Variants in RPA1 observed in about 807,000 individuals in gnomAD.
RPA1 encodes the protein replication protein A 70 kDa DNA-binding subunit.
In RPA1, 49 loss-of-function variants were observed where a neutral mutation model predicts 83.0. The ratio of observed to expected loss-of-function variants is 0.59; its 90% CI spans 0.47 to 0.75. The LOEUF (loss-of-function observed/expected upper bound fraction) is 0.75, where lower values mean the gene tolerates loss of function less well. Ranked by LOEUF, RPA1 falls within the 30% of genes least tolerant of loss-of-function variation. The pLI, the probability that RPA1 is intolerant of heterozygous loss-of-function variation, is 0.00. For missense variants in RPA1, 693 were observed against 776.1 expected, an observed-to-expected ratio of 0.89 and a Z score of 1.27; for synonymous variants, 279 against 281.8, an observed-to-expected ratio of 0.99 and a Z score of 0.10.
In RPA1 at chr17:1,841,994, A is replaced by G. The variant is rs554506786; in HGVS notation, c.34-809A>G. Among the ~76,000 whole-genome samples, 4 of 152,134 alleles carry G rather than the reference A, an allele frequency of 2.6e-5. No individual in the cohort carries two copies. In the South Asian group the frequency reaches 6.2e-4, roughly 24 times the overall value. Reference sequence around the variant, plus strand: ...TCATGACATATTATCCATTTTATATAGTGCTGGATTTGATTTGCTATTATT... The same window carrying G: ...TCATGACATATTATCCATTTTATATGGTGCTGGATTTGATTTGCTATTATT... On this transcript the variant is annotated intron_variant, in intron 1 of 16. Transcript: ENST00000254719.
intron 12 of RPA1, among the ~76,000 whole-genome samples, chr17:1,883,482 G>T (rs1418204384): frequency 4.6e-5 from 7 of 152,178 alleles, no homozygotes; most frequent in Non-Finnish European, 7.4e-5. Flanking sequence ...TTTTTAATGG[G>T]CCTGGGCATG....
In RPA1 at chr17:1,893,369, G is replaced by A. The variant is rs1442951858; in HGVS notation, c.1659+1429G>A. Among the ~76,000 whole-genome samples, 3 of 152,314 alleles carry A rather than the reference G, an allele frequency of 2.0e-5. No individual in the cohort carries two copies. In the East Asian group the frequency reaches 5.8e-4, roughly 29 times the overall value. ...GTTCGCACTCCACGCCCCTCATCTT[G>A]GAAGCATAATGGCAGCCGGTGTAAT... On this transcript the variant is annotated intron_variant, in intron 15 of 16. Transcript: ENST00000254719.
chr17:1,872,557 A>G (rs756404392), intron 6 of RPA1, 31 bp downstream of exon 6: 15 of 1,609,176 alleles, frequency 9.3e-6, no homozygotes, highest in Middle Eastern at 1.9e-4. Context: ...TGCGCTGACC[A>G]GGGGTGTCAG....
intron 6 of RPA1, among the ~76,000 whole-genome samples, chr17:1,873,518 A>G (rs898210767): frequency 1.3e-5 from 2 of 152,134 alleles, no homozygotes; most frequent in African/African-American, 4.8e-5. Context: ...AGATTCTGAG[A>G]AAAGCAAGGT....
chr17:1,842,447 T>A (rs958394124), intron 1 of RPA1, among the ~76,000 whole-genome samples: 1 of 152,222 alleles, frequency 6.6e-6, no homozygotes. Context: ...TTATCTTGGT[T>A]GTTTAATAAA....
Position 1,883,959 on chromosome 17 carries a change from T to TAA in RPA1, c.1374+16_1374+17dup. On this transcript the variant is annotated intron_variant, in intron 13 of 16. Coordinates refer to ENST00000254719, the MANE Select transcript of RPA1 (RefSeq NM_002945.5). ...AAGGCGACAAGGTACCCAGCATTCC[T>TAA]AACCACCTTCACAAAGGGCTGTAAA... 1 of 1,613,356 alleles carries TAA rather than the reference T, an allele frequency of 6.2e-7. No individual in the cohort carries two copies. The highest frequency in any genetic ancestry group is 8.5e-7 in the Non-Finnish European group (1 of 1,179,910).
At chr17:1,895,190 A>G (rs1914357973) in intron 16 of RPA1, 95 bp downstream of exon 16, 3 of 940,104 alleles carry the variant, frequency 3.2e-6, no homozygotes, top group Non-Finnish European at 4.9e-6. Context: ...GAGTTACTGT[A>G]CTCACTGCCA....
chr17:1,894,895 G>A (rs1597463690), intron 15 of RPA1, 114 bp from the exon 16 acceptor site: 1 of 744,822 alleles, frequency 1.3e-6, no homozygotes, highest in African/African-American at 1.8e-5. Context: ...TCATTCCTAA[G>A]TAATTTGAAA....
intron 13 of RPA1, among the ~76,000 whole-genome samples, chr17:1,887,754 T>C (rs1914048481): frequency 6.6e-6 from 1 of 151,896 alleles, no homozygotes; most frequent in Non-Finnish European, 1.5e-5. Context: ...CCAGGCGTGG[T>C]AGTGCACGCC....
intron 5 of RPA1, among the ~76,000 whole-genome samples, chr17:1,865,574 AC>A (rs1397453670): frequency 6.6e-6 from 1 of 152,204 alleles, no homozygotes; most frequent in African/African-American, 2.4e-5. Flanking sequence ...AGTTATAGCT[AC>A]CGAATTGTGT....
intron 1 of RPA1, among the ~76,000 whole-genome samples, chr17:1,836,839 A>ATTT (rs368337248): frequency 2.9e-5 from 4 of 138,200 alleles, no homozygotes; most frequent in African/African-American, 2.7e-5. Flanking sequence ...TTAAAAAAAA[A>ATTT]TTTTTTTTTT....
At chr17:1,893,911 C>T (rs370866835) in intron 15 of RPA1, among the ~76,000 whole-genome samples, 16 of 151,806 alleles carry the variant, frequency 1.1e-4, no homozygotes, top group East Asian at 7.7e-4. Flanking sequence ...CATGTTGGAG[C>T]GCCGTGGTGT....
chr17:1,860,387 T>C (rs1482637915), intron 5 of RPA1, among the ~76,000 whole-genome samples: 1 of 152,184 alleles, frequency 6.6e-6, no homozygotes, highest in African/African-American at 2.4e-5. Context: ...CTGGCCTCAA[T>C]CCTCCTGCCT....
At chr17:1,883,190 C>T (rs968254676) in intron 12 of RPA1, among the ~76,000 whole-genome samples, 3 of 152,116 alleles carry the variant, frequency 2.0e-5, no homozygotes, top group Non-Finnish European at 2.9e-5. Flanking sequence ...GAGTTTCGGT[C>T]TTGTTGCCCA....
chr17:1,866,374 G>A (rs1294249963), intron 5 of RPA1, among the ~76,000 whole-genome samples: 1 of 151,954 alleles, frequency 6.6e-6, no homozygotes, highest in Non-Finnish European at 1.5e-5. Flanking sequence ...GAGTGCAATG[G>A]CGCAATCTCG....
chr17:1,839,625 C>T (rs1351517261), intron 1 of RPA1, among the ~76,000 whole-genome samples: 1 of 150,600 alleles, frequency 6.6e-6, no homozygotes, highest in Admixed American at 6.6e-5. Context: ...CGTGCCTGGC[C>T]TCTAGCTTCA....
At chr17:1,875,975 T>C (rs966474505) in intron 7 of RPA1, among the ~76,000 whole-genome samples, 182 bp downstream of exon 7, 1 of 151,462 alleles carries the variant, frequency 6.6e-6, no homozygotes, top group Non-Finnish European at 1.5e-5. Flanking sequence ...TGTGGCAAAC[T>C]TTTAACTCTT....
chr17:1,831,056 G>A (rs868792246), intron 1 of RPA1, among the ~76,000 whole-genome samples: 2 of 152,022 alleles, frequency 1.3e-5, no homozygotes, highest in African/African-American at 2.4e-5. Context: ...ATGAACCACC[G>A]CGCCTGGCCC....
At chr17:1,864,050 A>T (rs1023517946) in intron 5 of RPA1, among the ~76,000 whole-genome samples, 3 of 152,236 alleles carry the variant, frequency 2.0e-5, no homozygotes, top group Non-Finnish European at 4.4e-5. Flanking sequence ...AAGCTGGAAG[A>T]TGTTCATGTG....
Sources: gnomAD v4.1 joint callset for allele counts (sites outside exome capture counted in the v4.1 genomes callset) on GRCh38, gnomAD v4.1.1 for gene constraint, MANE v1.5 for transcripts, NCBI Gene and HGNC (gene_info 2026-07-23, HGNC 2026-07-21) for gene names.